CNTNAP3: variants seen among roughly 807,000 people sequenced by gnomAD.
The protein encoded by CNTNAP3 is contactin associated protein family member 3.
In CNTNAP3, 36 loss-of-function variants were observed where a neutral mutation model predicts 92.1. The observed-to-expected ratio is 0.39, with a 90% confidence interval of 0.30 to 0.52. The LOEUF is 0.52. CNTNAP3 is among the 20% of genes least tolerant of loss of function. CNTNAP3 has a pLI of 0.76. For synonymous variants in CNTNAP3, 232 were observed against 422.3 expected (o/e 0.55, Z 5.53); for missense variants, 534 against 1,069.6 (o/e 0.50, Z 6.98).
At position 39,131,303 on chromosome 9, in the gene CNTNAP3, T is replaced by C. The variant is rs1431332152; in HGVS notation, c.2080+1629A>G. The stretch of plus-strand genomic sequence containing the variant: ...ACCCCATGAGATCAATACTACAGGG[T>C]CCATTTCATCAAAGAGGAAACAAAG... On this transcript the variant is annotated intron_variant, in intron 13 of 23. Transcript: ENST00000297668. Among the ~76,000 whole-genome samples, 8 of 152,148 alleles carry C rather than the reference T, an allele frequency of 5.3e-5. No individual in the cohort carries two copies. In the East Asian group the frequency reaches 1.5e-3, roughly 29 times the overall value.
intron 11 of CNTNAP3, among the ~76,000 whole-genome samples, chr9:39,142,990 G>C (rs1398544976): frequency 6.6e-6 from 1 of 151,960 alleles, no homozygotes; most frequent in African/African-American, 2.4e-5. Context: ...CTGTTTCCTT[G>C]AAGACCCAGG....
intron 8 of CNTNAP3, among the ~76,000 whole-genome samples, chr9:39,166,504 GT>G (rs940438235): frequency 2.1e-5 from 3 of 144,464 alleles, no homozygotes; most frequent in East Asian, 2.0e-4. Context: ...ATTGTGAAAA[GT>G]TTTTTTTAGA....
At position 39,288,126 on chromosome 9, in the gene CNTNAP3, G is replaced by GCT; in HGVS notation, c.-64_-63dup. 2 of 485,788 alleles carry GCT rather than the reference G, an allele frequency of 4.1e-6. 1 individual carries two copies. Among genetic ancestry groups the GCT allele is most frequent in the Non-Finnish European group, 5.9e-6 (2 of 339,900 alleles). 30.1% of individuals were successfully genotyped at this position (485,788 alleles called of 1,614,324 possible). ...GCGACGGCCGCTCTGCGTCGCTCCT[G>GCT]CTCTCACTCCCGTCCCCTGCGCGGC... On this transcript the variant is annotated 5_prime_UTR_variant, in exon 1 of 24. Coordinates refer to ENST00000297668, the MANE Select transcript of CNTNAP3 (RefSeq NM_033655.5).
At chr9:39,148,429 G>A (rs545142023) in intron 10 of CNTNAP3, among the ~76,000 whole-genome samples, 4 of 151,954 alleles carry the variant, frequency 2.6e-5, no homozygotes, top group African/African-American at 4.8e-5. Context: ...TAGCCAGAGA[G>A]GATAATTTTA....
chr9:39,120,703 C>A (rs1267400316), intron 13 of CNTNAP3, among the ~76,000 whole-genome samples: 2 of 152,014 alleles, frequency 1.3e-5, no homozygotes, highest in Non-Finnish European at 2.9e-5. Flanking sequence ...ACCTTTTTAA[C>A]ACAAAAGAAA....
chr9:39,064,714 G>GT lies in CNTNAP3; in HGVS notation c.*9175dup, dbSNP rs1254377966. ...TAAACATATACAACATATAAACACTGTTTTTAACATTTATTACATACATAG... is the reference window on the plus strand; with the variant it reads ...TAAACATATACAACATATAAACACTGTTTTTTAACATTTATTACATACATAG... On this transcript the variant is annotated 3_prime_UTR_variant, in exon 24 of 24. Coordinates refer to ENST00000297668, the MANE Select transcript of CNTNAP3 (RefSeq NM_033655.5). Among the ~76,000 whole-genome samples the GT allele has an allele frequency of 6.7e-6, 1 of 149,898 alleles. No homozygotes were observed. The highest frequency in any genetic ancestry group is 2.4e-5 in the African/African-American group (1 of 40,970).
At chr9:39,115,259 C>G (rs1811462290) in intron 14 of CNTNAP3, among the ~76,000 whole-genome samples, 1 of 150,870 alleles carries the variant, frequency 6.6e-6, no homozygotes, top group South Asian at 2.1e-4. Flanking sequence ...TTCCCAAATA[C>G]TATTTTTATT....
At chr9:39,122,766 A>G (rs1038474150) in intron 13 of CNTNAP3, among the ~76,000 whole-genome samples, 21 of 152,364 alleles carry the variant, frequency 1.4e-4, no homozygotes, top group African/African-American at 5.1e-4. Context: ...AAACATGCAG[A>G]TATGACAGAT....
chr9:39,105,173 A>AT (rs1413254037), intron 15 of CNTNAP3, among the ~76,000 whole-genome samples: 1 of 152,146 alleles, frequency 6.6e-6, no homozygotes, highest in Non-Finnish European at 1.5e-5. Flanking sequence ...CACGCCTGTA[A>AT]CCCCAGCACT....
At chr9:39,079,009 G>A in intron 21 of CNTNAP3, 89 bp from the exon 22 acceptor site, 8 of 1,488,736 alleles carry the variant, frequency 5.4e-6, no homozygotes, top group Non-Finnish European at 7.2e-6. Context: ...AGCGACCCTC[G>A]TTCCTTCACT....
Position 39,068,069 on chromosome 9 carries a change from C to T in CNTNAP3, c.*5821G>A, listed in dbSNP as rs1231453078. On this transcript the variant is annotated 3_prime_UTR_variant, in exon 24 of 24. Transcript: ENST00000297668. ...TCTTTTTGTGTAAAGCCCAGATATA[C>T]GTATAGTACTAAAGAGATATGCAGT... is the stretch of plus-strand genomic sequence containing the variant. 1.3e-5 allele frequency among the ~76,000 whole-genome samples: 2 copies of T among 152,302 alleles called. No homozygotes were observed. Among genetic ancestry groups the T allele is most frequent in the Non-Finnish European group, 2.9e-5 (2 of 68,052 alleles).
At chr9:39,140,238 CAG>C (rs1821541598) in intron 12 of CNTNAP3, among the ~76,000 whole-genome samples, 1 of 146,320 alleles carries the variant, frequency 6.8e-6, no homozygotes, top group Non-Finnish European at 1.5e-5. Context: ...ATTACCGAAT[CAG>C]AGGTTTGTAT....
intron 10 of CNTNAP3, among the ~76,000 whole-genome samples, chr9:39,145,362 C>T (rs1218052910): frequency 3.6e-5 from 5 of 140,700 alleles, no homozygotes; most frequent in African/African-American, 1.0e-4. Context: ...CCTTCCAGGC[C>T]GTGAGGGACA....
chr9:39,111,185 T>C (rs760680278), intron 14 of CNTNAP3, among the ~76,000 whole-genome samples: 1 of 152,220 alleles, frequency 6.6e-6, no homozygotes, highest in Non-Finnish European at 1.5e-5. Context: ...GGTGGGAACA[T>C]TACAATTCTC....
intron 23 of CNTNAP3, among the ~76,000 whole-genome samples, chr9:39,075,052 G>A (rs1298838479): frequency 6.6e-6 from 1 of 152,254 alleles, no homozygotes; most frequent in African/African-American, 2.4e-5. Context: ...ACAGGCGTGA[G>A]CCACCGCGCC....
intron 7 of CNTNAP3, chr9:39,174,281 T>C (rs2118231926): frequency 1.6e-5 from 4 of 243,962 alleles, no homozygotes; most frequent in South Asian, 1.4e-4. Flanking sequence ...ACTCTTCCCT[T>C]TGGTGTTTCC....
rs1826035510 is a variant in CNTNAP3, at chr9:39,085,084, GGTT to G, written c.3442+649_3442+651del. The G allele has an allele frequency of 5.0e-5, 7 of 140,346 alleles. 1 individual carries two copies. In the South Asian group the frequency reaches 1.1e-3, roughly 23 times the overall value. The allele number at this position is 140,346 out of a possible 1,614,324, so 8.7% of individuals were successfully genotyped here. On this transcript the variant is annotated intron_variant, in intron 21 of 23. Coordinates refer to ENST00000297668, the MANE Select transcript of CNTNAP3 (RefSeq NM_033655.5). ...TTTCTTAATTGAGTTACATAAGATGGGTTTTTTTAAAAAAAGATTACTTTCCTC... is the reference window on the plus strand; with the variant it reads ...TTTCTTAATTGAGTTACATAAGATGGTTTTTAAAAAAAGATTACTTTCCTC...
chr9:39,106,502 T>C (rs1163877110), intron 15 of CNTNAP3: 3 of 152,158 alleles, frequency 2.0e-5, no homozygotes, highest in Non-Finnish European at 4.4e-5. Context: ...TCCGGGCTTG[T>C]GTTGAACTCC....
chr9:39,080,227 A>G (rs1392477616), intron 21 of CNTNAP3, among the ~76,000 whole-genome samples: 2 of 141,350 alleles, frequency 1.4e-5, no homozygotes, highest in Non-Finnish European at 3.0e-5. Context: ...AATCCTGCCA[A>G]TTTGGTTTTA....
Sources: gnomAD v4.1 joint callset for allele counts (sites outside exome capture counted in the v4.1 genomes callset) on GRCh38, gnomAD v4.1.1 for gene constraint, MANE v1.5 for transcripts, NCBI Gene and HGNC (gene_info 2026-07-23, HGNC 2026-07-21) for gene names.